NAP1L1: variants seen among roughly 807,000 people sequenced by gnomAD.
NAP1L1 encodes the protein nucleosome assembly protein 1 like 1.
NAP1L1 carries 9 observed loss-of-function variants against 58.9 expected under a neutral mutation model. That is an observed-to-expected ratio of 0.15 (90% CI 0.09 to 0.27). The LOEUF is 0.27. Ranked by LOEUF, NAP1L1 falls within the 10% of genes least tolerant of loss-of-function variation. The pLI is 1.00. For synonymous variants in NAP1L1, 130 were observed against 138.3 expected, an observed-to-expected ratio of 0.94 and a Z score of 0.42; for missense variants, 302 against 458.8, an observed-to-expected ratio of 0.66 and a Z score of 3.12.
chr12:76,069,102 G>T, intron 2 of NAP1L1, 108 bp from the exon 3 acceptor site: 3 of 756,946 alleles, frequency 4.0e-6, no homozygotes, highest in Non-Finnish European at 6.6e-6. Context: ...TCAAAGACAT[G>T]AAATAGGAAA....
chr12:76,078,003 G>GA lies in NAP1L1; in HGVS notation c.-20-3765dup, dbSNP rs1565749743. On this transcript the variant is annotated intron_variant, in intron 1 of 14. Transcript: ENST00000618691. Reference sequence around the variant, plus strand: ...CTCAAAAAAAAAAAAAAAAAAAAAGGAAAAGAATTAAAAGTACAGATGTTT... The same window carrying GA: ...CTCAAAAAAAAAAAAAAAAAAAAAGGAAAAAGAATTAAAAGTACAGATGTTT... Among the ~76,000 whole-genome samples the GA allele has an allele frequency of 3.5e-4, 47 of 135,968 alleles. 1 individual carries two copies. Among genetic ancestry groups the GA allele is most frequent in the African/African-American group, 1.2e-3 (44 of 36,804 alleles). The allele number at this position is 135,968 out of a possible 152,430, so 89.2% of individuals were successfully genotyped here. A position where few individuals can be genotyped will look rare whatever the true frequency, so the allele number is the denominator to read the frequency against.
Position 76,043,070 on chromosome 12 carries a change from A to G in NAP1L1, c.*5359T>C, listed in dbSNP as rs957664757. The G allele has an allele frequency of 6.6e-6, 1 of 152,210 alleles. No individual in the cohort carries two copies. Among genetic ancestry groups the G allele is most frequent in the Non-Finnish European group, 1.5e-5 (1 of 68,040 alleles). The allele number at this position is 152,210 out of a possible 1,614,324, so 9.4% of individuals were successfully genotyped here. ...GTTCTTGGCTAAGTAAATTATCTTA[A>G]CAGCTAACAGCGTCTTGTTCACTGC... On this transcript the variant is annotated 3_prime_UTR_variant, in exon 15 of 15. Coordinates refer to ENST00000618691, the MANE Select transcript of NAP1L1 (RefSeq NM_004537.7).
Position 76,047,100 on chromosome 12 carries a change from C to CAT in NAP1L1, c.*1328_*1329insAT, listed in dbSNP as rs1948624283. The CAT allele has an allele frequency of 3.9e-5, 6 of 152,398 alleles. No individual in the cohort carries two copies. Among genetic ancestry groups the CAT allele is most frequent in the Admixed American group, 3.9e-4 (6 of 15,252 alleles). The allele number at this position is 152,398 out of a possible 1,614,324, so 9.4% of individuals were successfully genotyped here. A position where few individuals can be genotyped will look rare whatever the true frequency, so the allele number is the denominator to read the frequency against. On this transcript the variant is annotated 3_prime_UTR_variant, in exon 15 of 15. Coordinates refer to ENST00000618691, the MANE Select transcript of NAP1L1 (RefSeq NM_004537.7). Reference sequence around the variant, plus strand: ...TTGTTTTCCAGTTTAGTTATCAAAGCGTGGTGTGAACAAAATGCTTAGTGT... The same window carrying CAT: ...TTGTTTTCCAGTTTAGTTATCAAAGCATGTGGTGTGAACAAAATGCTTAGTGT...
chr12:76,080,593 A>G (rs916947433), intron 1 of NAP1L1, among the ~76,000 whole-genome samples: 5 of 152,220 alleles, frequency 3.3e-5, no homozygotes, highest in African/African-American at 1.2e-4. Context: ...CCCCCAGAAC[A>G]CATCCCCATC....
intron 4 of NAP1L1, among the ~76,000 whole-genome samples, chr12:76,063,048 T>C (rs1255048794): frequency 3.3e-5 from 5 of 152,192 alleles, no homozygotes; most frequent in Non-Finnish European, 7.3e-5. Context: ...TATTCAGATA[T>C]AAAAGCAGGA....
At position 76,045,115 on chromosome 12, in the gene NAP1L1, C is replaced by T. The variant is rs191658520; in HGVS notation, c.*3314G>A. On this transcript the variant is annotated 3_prime_UTR_variant, in exon 15 of 15. Coordinates refer to ENST00000618691, the MANE Select transcript of NAP1L1 (RefSeq NM_004537.7). ...CTCATAATTACCAAGTATATATGTA[C>T]AGTGCAGATTAAAAAAAAACTGAAT... The T allele has an allele frequency of 2.0e-5, 3 of 151,888 alleles. No individual in the cohort carries two copies. Among genetic ancestry groups the T allele is most frequent in the Non-Finnish European group, 2.9e-5 (2 of 67,914 alleles). The allele number at this position is 151,888 out of a possible 1,614,324, so 9.4% of individuals were successfully genotyped here.
chr12:76,074,392 T>C (rs1296175817), intron 1 of NAP1L1, 153 bp from the exon 2 acceptor site: 1 of 973,926 alleles, frequency 1.0e-6, no homozygotes, highest in Non-Finnish European at 1.2e-6. Context: ...AAGAAAAAAC[T>C]CATGGAACAT....
At chr12:76,081,333 C>A (rs1289185823) in intron 1 of NAP1L1, among the ~76,000 whole-genome samples, 1 of 152,130 alleles carries the variant, frequency 6.6e-6, no homozygotes, top group East Asian at 1.9e-4. Context: ...GCTAATAATA[C>A]ACACAGAATT....
chr12:76,058,689 CTCTT>C (rs889954179), intron 6 of NAP1L1, among the ~76,000 whole-genome samples: 5 of 151,918 alleles, frequency 3.3e-5, no homozygotes, highest in East Asian at 1.9e-4. Flanking sequence ...CCTGGCCTTT[CTCTT>C]TCTCTCTTTT....
intron 1 of NAP1L1, among the ~76,000 whole-genome samples, chr12:76,080,806 T>TG (rs1205954737): frequency 1.3e-5 from 2 of 152,178 alleles, no homozygotes; most frequent in Non-Finnish European, 2.9e-5. Flanking sequence ...CACTGAGAGA[T>TG]GGGGGTCTTT....
At chr12:76,064,597 A>T (rs1949577621) in intron 4 of NAP1L1, among the ~76,000 whole-genome samples, 1 of 152,188 alleles carries the variant, frequency 6.6e-6, no homozygotes, top group South Asian at 2.1e-4. Flanking sequence ...AGGAAAACCA[A>T]AAGCAAAATT....
chr12:76,065,325 T>C (rs1040750582), intron 4 of NAP1L1, among the ~76,000 whole-genome samples: 1 of 151,542 alleles, frequency 6.6e-6, no homozygotes, highest in African/African-American at 2.4e-5. Context: ...ATTCCCAGTA[T>C]GAATAGAAAT....
intron 4 of NAP1L1, among the ~76,000 whole-genome samples, chr12:76,063,478 C>A (rs993540677): frequency 1.3e-5 from 2 of 152,130 alleles, no homozygotes; most frequent in African/African-American, 4.8e-5. Context: ...AATACAACTT[C>A]TAAGAAATGC....
chr12:76,048,598 ATTAT>A (rs1230155035), intron 14 of NAP1L1, 134 bp from the exon 15 acceptor site: 9 of 821,896 alleles, frequency 1.1e-5, no homozygotes, highest in East Asian at 2.6e-5. Context: ...ATGGTGGTAA[ATTAT>A]TTATTTTATT....
intron 12 of NAP1L1, among the ~76,000 whole-genome samples, 154 bp from the exon 13 acceptor site, chr12:76,049,939 T>G (rs770483672): frequency 2.6e-5 from 4 of 152,186 alleles, no homozygotes; most frequent in Non-Finnish European, 5.9e-5. Context: ...ACATAGTAGC[T>G]GCAAGAATCA....
Position 76,047,237 on chromosome 12 carries a change from A to C in NAP1L1, c.*1192T>G, listed in dbSNP as rs925496258. ...ACACATCCATGAGGTAGTTAGGTAA[A>C]CAGTACTACCCATTTTAATTACACA... On this transcript the variant is annotated 3_prime_UTR_variant, in exon 15 of 15. Coordinates refer to ENST00000618691, the MANE Select transcript of NAP1L1 (RefSeq NM_004537.7). The C allele has an allele frequency of 6.6e-6, 1 of 152,476 alleles. No homozygotes were observed. Among genetic ancestry groups the C allele is most frequent in the Non-Finnish European group, 1.5e-5 (1 of 67,922 alleles). The allele number at this position is 152,476 out of a possible 1,614,324, so 9.4% of individuals were successfully genotyped here. A position where few individuals can be genotyped will look rare whatever the true frequency, so the allele number is the denominator to read the frequency against.
chr12:76,072,499 G>C (rs968004267), intron 2 of NAP1L1, among the ~76,000 whole-genome samples: 8 of 151,968 alleles, frequency 5.3e-5, no homozygotes, highest in African/African-American at 1.9e-4. Flanking sequence ...TCCAGAAAGA[G>C]AAAACAAATG....
chr12:76,050,411 A>T (rs2136957256), intron 12 of NAP1L1, 120 bp downstream of exon 12: 2 of 1,249,156 alleles, frequency 1.6e-6, no homozygotes, highest in East Asian at 5.0e-5. Flanking sequence ...GAACATCAGT[A>T]ATTAGCCTAA....
At position 76,046,160 on chromosome 12, in the gene NAP1L1, A is replaced by G. The variant is rs1948603748; in HGVS notation, c.*2269T>C. 1 of 152,064 alleles carries G rather than the reference A, an allele frequency of 6.6e-6. No homozygotes were observed. The allele number at this position is 152,064 out of a possible 1,614,324, so 9.4% of individuals were successfully genotyped here. ...ATTCATTTAAAAAAAAACACCCAAA[A>G]TATCACCAGTACATTTTATAAAATT... On this transcript the variant is annotated 3_prime_UTR_variant, in exon 15 of 15. Transcript: ENST00000618691.
Sources: gnomAD v4.1 joint callset for allele counts (sites outside exome capture counted in the v4.1 genomes callset) on GRCh38, gnomAD v4.1.1 for gene constraint, MANE v1.5 for transcripts, NCBI Gene and HGNC (gene_info 2026-07-23, HGNC 2026-07-21) for gene names.